The following ZNF804A variants were observed in gnomAD, a reference collection of about 807,000 sequenced individuals.
ZNF804A encodes zinc finger protein 804A.
A neutral mutation model predicts 16.5 loss-of-function variants in ZNF804A; 2 were observed. The observed-to-expected ratio is 0.12, with a 90% confidence interval of 0.05 to 0.38. The LOEUF is 0.38. Ranked by LOEUF, ZNF804A falls within the 10% of genes least tolerant of loss-of-function variation. The pLI, the probability that ZNF804A is intolerant of heterozygous loss-of-function variation, is 0.99. For synonymous variants in ZNF804A, 534 were observed against 489.6 expected (o/e 1.09, Z -1.20); for missense variants, 1,473 against 1,390.7 (o/e 1.06, Z -0.94).
intron 1 of ZNF804A, among the ~76,000 whole-genome samples, chr2:184,746,539 G>A (rs1242008709): frequency 2.0e-5 from 3 of 151,290 alleles, no homozygotes; most frequent in African/African-American, 2.4e-5. Flanking sequence ...TCATTTATTT[G>A]TGTTGCAAAC....
At chr2:184,661,847 T>G (rs924853202) in intron 1 of ZNF804A, among the ~76,000 whole-genome samples, 1 of 152,236 alleles carries the variant, frequency 6.6e-6, no homozygotes, top group Non-Finnish European at 1.5e-5. Flanking sequence ...TAACATGTTA[T>G]TTGAAACTGT....
At chr2:184,632,231 A>T (rs1252601041) in intron 1 of ZNF804A, among the ~76,000 whole-genome samples, 2 of 152,096 alleles carry the variant, frequency 1.3e-5, no homozygotes, top group Non-Finnish European at 1.5e-5. Flanking sequence ...ATTTTTAAGA[A>T]AGTTTGAGTA....
chr2:184,666,929 C>A (rs998022779), intron 1 of ZNF804A, among the ~76,000 whole-genome samples: 4 of 151,946 alleles, frequency 2.6e-5, no homozygotes, highest in African/African-American at 9.7e-5. Flanking sequence ...AAGATAATTT[C>A]ATGGAACATA....
intron 2 of ZNF804A, among the ~76,000 whole-genome samples, chr2:184,872,451 A>G (rs1222287545): frequency 6.6e-6 from 1 of 152,130 alleles, no homozygotes; most frequent in African/African-American, 2.4e-5. Flanking sequence ...TCTGGCTATT[A>G]TATTGCATTT....
intron 1 of ZNF804A, among the ~76,000 whole-genome samples, chr2:184,614,365 A>C (rs1559108496): frequency 6.6e-6 from 1 of 152,242 alleles, no homozygotes; most frequent in Non-Finnish European, 1.5e-5. Flanking sequence ...CATTCAGGAC[A>C]TAGGTATGGG....
intron 1 of ZNF804A, among the ~76,000 whole-genome samples, chr2:184,852,175 C>CACAAATAGT (rs1327653978): frequency 6.6e-6 from 1 of 151,650 alleles, no homozygotes; most frequent in African/African-American, 2.4e-5. Context: ...TGCTTGAAAT[C>CACAAATAGT]ACAAATAGTA....
intron 1 of ZNF804A, among the ~76,000 whole-genome samples, chr2:184,677,234 A>G (rs1692453560): frequency 6.6e-6 from 1 of 151,946 alleles, no homozygotes; most frequent in Non-Finnish European, 1.5e-5. Context: ...GATTCAAGAG[A>G]TATAATCAAC....
intron 1 of ZNF804A, among the ~76,000 whole-genome samples, chr2:184,706,851 T>C (rs1559131194): frequency 6.6e-6 from 1 of 152,240 alleles, no homozygotes; most frequent in Non-Finnish European, 1.5e-5. Context: ...TCTATACTGA[T>C]GAGCATTTAC....
At chr2:184,626,014 G>A (rs929344213) in intron 1 of ZNF804A, among the ~76,000 whole-genome samples, 2 of 152,002 alleles carry the variant, frequency 1.3e-5, no homozygotes, top group Non-Finnish European at 2.9e-5. Context: ...GACTACAGGT[G>A]CCCGCCACCA....
At chr2:184,813,037 T>A (rs951699316) in intron 1 of ZNF804A, among the ~76,000 whole-genome samples, 7 of 152,162 alleles carry the variant, frequency 4.6e-5, no homozygotes, top group African/African-American at 1.7e-4. Context: ...GTTTGTGTTA[T>A]AGTGAGGTGA....
rs756280945 is a variant in ZNF804A, at chr2:184,797,903, G to T, written c.112-68466G>T. ...TTAGCAGTTCTTATAGTTGTGGCTT[G>T]GTAGTGGTGACTTATCTCAGCATTT... is the stretch of plus-strand genomic sequence containing the variant. On this transcript the variant is annotated intron_variant, in intron 1 of 3. Transcript: ENST00000302277. Among the ~76,000 whole-genome samples the T allele has an allele frequency of 1.5e-3, 232 of 152,070 alleles. 1 individual carries two copies. Among genetic ancestry groups the T allele is most frequent in the Middle Eastern group, 3.4e-3 (1 of 294 alleles).
intron 1 of ZNF804A, among the ~76,000 whole-genome samples, chr2:184,815,051 A>G (rs1222906731): frequency 6.6e-6 from 1 of 152,166 alleles, no homozygotes; most frequent in Middle Eastern, 3.4e-3. Flanking sequence ...GAAGAAATTG[A>G]TCAATAGAAA....
intron 1 of ZNF804A, among the ~76,000 whole-genome samples, chr2:184,724,565 A>C (rs1474179559): frequency 7.9e-6 from 1 of 126,356 alleles, no homozygotes; most frequent in African/African-American, 4.5e-5. Flanking sequence ...CTAAGATACT[A>C]CTGTATTATT....
intron 1 of ZNF804A, among the ~76,000 whole-genome samples, chr2:184,756,094 TG>T (rs201589170): frequency 0.013 from 1,938 of 152,158 alleles, 13 homozygotes; most frequent in Non-Finnish European, 0.02. Flanking sequence ...AATGTGCTTT[TG>T]TTTATAGAGT....
chr2:184,629,555 G>A (rs553401008), intron 1 of ZNF804A, among the ~76,000 whole-genome samples: 1 of 152,088 alleles, frequency 6.6e-6, no homozygotes, highest in Non-Finnish European at 1.5e-5. Flanking sequence ...ATAGAAAATA[G>A]TTAATACAAA....
At chr2:184,897,061 T>A (rs1361593546) in intron 2 of ZNF804A, among the ~76,000 whole-genome samples, 1 of 152,128 alleles carries the variant, frequency 6.6e-6, no homozygotes, top group Non-Finnish European at 1.5e-5. Flanking sequence ...TAATATGTGT[T>A]AGTAATTGTT....
intron 1 of ZNF804A, among the ~76,000 whole-genome samples, chr2:184,671,698 A>G (rs1365556524): frequency 2.0e-5 from 3 of 152,144 alleles, no homozygotes; most frequent in Non-Finnish European, 4.4e-5. Context: ...ATATGCTGCC[A>G]CTGTTTTGTC....
chr2:184,885,835 G>T (rs954745912), intron 2 of ZNF804A, among the ~76,000 whole-genome samples: 2 of 152,034 alleles, frequency 1.3e-5, no homozygotes, highest in Admixed American at 6.6e-5. Context: ...CCTCCCCAAG[G>T]ATCCCTCCCA....
At position 184,911,280 on chromosome 2, in the gene ZNF804A, A is replaced by G. The variant is rs1685353151; in HGVS notation, c.256-22323A>G. ...ACTTTGTCAAAGGTCAGATGACTGC[A>G]GGTGTGCAGCTTTATTCCTGGGTTT... On this transcript the variant is annotated intron_variant, in intron 2 of 3. Coordinates refer to ENST00000302277, the MANE Select transcript of ZNF804A (RefSeq NM_194250.2). Among the ~76,000 whole-genome samples, 3 of 151,864 alleles carry G rather than the reference A, an allele frequency of 2.0e-5. No individual in the cohort carries two copies. In the South Asian group the frequency reaches 6.3e-4, roughly 32 times the overall value.
Sources: allele counts gnomAD v4.1 joint callset (sites outside exome capture counted in the v4.1 genomes callset), GRCh38; gene constraint gnomAD v4.1.1; transcripts MANE v1.5; gene names NCBI Gene and HGNC (gene_info 2026-07-23, HGNC 2026-07-21).